The following AGAP3 variants were observed in gnomAD, a reference collection of about 807,000 sequenced individuals.
AGAP3 encodes ArfGAP with GTPase domain, ankyrin repeat and PH domain 3, also known as arf-GAP with GTPase, ANK repeat and PH domain-containing protein 3.
A neutral mutation model predicts 96.9 loss-of-function variants in AGAP3; 24 were observed. The ratio of observed to expected loss-of-function variants is 0.25; its 90% confidence interval spans 0.18 to 0.35. The LOEUF (loss-of-function observed/expected upper bound fraction) is 0.35. Among genes scored for constraint, AGAP3 ranks in the 10% least tolerant of loss-of-function variants. The pLI is 1.00. For synonymous variants in AGAP3, 563 were observed against 536.1 expected, an observed-to-expected ratio of 1.05 and a Z score of -0.69; for missense variants, 876 against 1,254.2, an observed-to-expected ratio of 0.70 and a Z score of 4.55.
At chr7:151,089,516 G>C (rs1265667512) in intron 1 of AGAP3, among the ~76,000 whole-genome samples, 1 of 152,190 alleles carries the variant, frequency 6.6e-6, no homozygotes, top group Non-Finnish European at 1.5e-5. Context: ...AGACTTCGGT[G>C]AAGGGTTTGT....
chr7:151,104,203 C>T (rs1241433910), intron 1 of AGAP3, among the ~76,000 whole-genome samples: 4 of 152,176 alleles, frequency 2.6e-5, no homozygotes, highest in Admixed American at 6.5e-5. Context: ...GCCGTAAACC[C>T]GACAATCTTT....
In AGAP3 at chr7:151,140,190, C is replaced by T; in HGVS notation, c.1804+74C>T. ...CTTGGGGATAGTACCCTAAAAGTAA[C>T]ACCTATTTTTTATTTTTTGTATTCA... is the stretch of plus-strand genomic sequence containing the variant. On this transcript the variant is annotated intron_variant, in intron 13 of 17. Coordinates refer to ENST00000397238, the MANE Select transcript of AGAP3 (RefSeq NM_031946.7). This position sits in a 1 kb window ranked among gnomAD's most constrained non-coding sequence, Gnocchi z 5.4. The T allele has an allele frequency of 7.4e-7, 1 of 1,342,998 alleles. No individual in the cohort carries two copies. The highest frequency in any genetic ancestry group is 9.6e-7 in the Non-Finnish European group (1 of 1,040,162). 83.2% of individuals were successfully genotyped at this position (1,342,998 alleles called of 1,614,324 possible).
intron 8 of AGAP3, chr7:151,123,469 A>G: frequency 8.5e-7 from 1 of 1,170,378 alleles, no homozygotes; most frequent in Non-Finnish European, 1.1e-6. Context: ...CCCGACCAGC[A>G]GCCCCACCGT....
intron 1 of AGAP3, among the ~76,000 whole-genome samples, chr7:151,110,852 G>C (rs1563454784): frequency 6.6e-6 from 1 of 152,192 alleles, no homozygotes; most frequent in African/African-American, 2.4e-5. Context: ...CTTTTGGCTT[G>C]TGCGGCTCCA....
Position 151,134,531 on chromosome 7 carries a change from C to G in AGAP3, c.1458C>G (p.Ser486=), listed in dbSNP as rs773023571. The part of the protein sequence containing the change: ...PGTSPRANGL[S]VERSNTQLGG... ...CCAGCCCCCGTGCCAACGGGCTGTC[C>G]GTGGAGCGGAGTAACACACAGCTGG... The change falls in exon 11 of 18, where the codon TCC becomes TCG. Residue 486 remains serine (S), a synonymous_variant. Coordinates refer to ENST00000397238, the MANE Select transcript of AGAP3 (RefSeq NM_031946.7). 49 of 1,612,740 alleles carry G rather than the reference C, an allele frequency of 3.0e-5. No homozygotes were observed. The East Asian group carries it at 1.1e-3, about 36-fold the overall frequency.
intron 9 of AGAP3, among the ~76,000 whole-genome samples, chr7:151,127,288 T>C (rs1800218186): frequency 6.6e-6 from 1 of 152,184 alleles, no homozygotes; most frequent in Admixed American, 6.5e-5. Context: ...TGTTGTTGGC[T>C]GTCTTCTGGC....
chr7:151,143,730 C>T lies in AGAP3; in HGVS notation c.2530-7C>T, dbSNP rs1486983919. 4.3e-6 allele frequency: 7 copies of T among 1,614,062 alleles called. No homozygotes were observed. The Admixed American group carries it at 8.3e-5, about 19-fold the overall frequency. The stretch of plus-strand genomic sequence containing the variant: ...TGCCAACTGTCAACATGTGTTTTCT[C>T]CTACAGTACGGGGTGGACGTGAGGA... On this transcript the variant is annotated splice_polypyrimidine_tract_variant and splice_region_variant and intron_variant, in intron 17 of 17. Transcript: ENST00000397238. This position sits in a 1 kb window ranked among gnomAD's most constrained non-coding sequence, Gnocchi z 5.9.
At chr7:151,086,465 C>G (rs1008298934), upstream of AGAP3, among the ~76,000 whole-genome samples, 58 of 147,536 alleles carry the variant, frequency 3.9e-4, no homozygotes, top group African/African-American at 1.3e-3. Context: ...CGCGCGCTCC[C>G]GGTCCCGTTG....
intron 10 of AGAP3, among the ~76,000 whole-genome samples, chr7:151,132,083 T>C (rs938216887): frequency 2.6e-5 from 4 of 152,170 alleles, no homozygotes; most frequent in Non-Finnish European, 4.4e-5. Context: ...GAGTGGACAC[T>C]GGGCTGAAAG....
At chr7:151,100,223 T>A (rs1798783761) in intron 1 of AGAP3, among the ~76,000 whole-genome samples, 1 of 152,012 alleles carries the variant, frequency 6.6e-6, no homozygotes, top group Non-Finnish European at 1.5e-5. Context: ...TGCGGTGCTG[T>A]TTTGGAGGGA....
At chr7:151,132,594 T>C (rs1800442685) in intron 10 of AGAP3, among the ~76,000 whole-genome samples, 1 of 152,204 alleles carries the variant, frequency 6.6e-6, no homozygotes, top group African/African-American at 2.4e-5. Context: ...TGAAGGCGAC[T>C]GCAGGCTCGG....
chr7:151,143,685 A>C lies in AGAP3; in HGVS notation c.2530-52A>C. The C allele has an allele frequency of 6.2e-7, 1 of 1,610,682 alleles. No individual in the cohort carries two copies. Among genetic ancestry groups the C allele is most frequent in the Non-Finnish European group, 8.5e-7 (1 of 1,177,474 alleles). ...CCTCTTCTTTCCTCCCCTACAACCA[A>C]TCTCTCTCCTCCCATGTCTTGCCAA... is the stretch of plus-strand genomic sequence containing the variant. On this transcript the variant is annotated intron_variant, in intron 17 of 17. Transcript: ENST00000397238. The surrounding 1 kb of genome is among the most constrained non-coding windows in gnomAD (Gnocchi z 5.9).
chr7:151,128,611 T>C lies in AGAP3; in HGVS notation c.1253T>C (p.Leu418Pro). Residue 418 changes from leucine (L) to proline (P), a missense_variant, in exon 10 of 18, where the codon CTG (leucine) becomes CCG (proline). This residue lies in a region of AGAP3 where 63 missense variants were observed against 114.5 expected (regional missense o/e 0.55). Coordinates refer to ENST00000397238, the MANE Select transcript of AGAP3 (RefSeq NM_031946.7). ...CTGCTAAAGCGGAGCGGCAAGTCCC[T>C]GAACAAGGAGTGGAAGAAGAAGTAT... ...GILLKRSGKSLNKEWKKKYVT... is the reference protein window; with the variant it reads ...GILLKRSGKSPNKEWKKKYVT... The C allele has an allele frequency of 6.2e-7, 1 of 1,613,612 alleles. No individual in the cohort carries two copies. Among genetic ancestry groups the C allele is most frequent in the Non-Finnish European group, 8.5e-7 (1 of 1,179,894 alleles).
chr7:151,129,712 G>A (rs1393813489), intron 10 of AGAP3, among the ~76,000 whole-genome samples: 4 of 137,750 alleles, frequency 2.9e-5, no homozygotes, highest in East Asian at 2.6e-4. Flanking sequence ...TCCCCACCGC[G>A]GGCACAGACC....
At chr7:151,089,472 C>T (rs1360191505) in intron 1 of AGAP3, among the ~76,000 whole-genome samples, 1 of 151,434 alleles carries the variant, frequency 6.6e-6, no homozygotes, top group African/African-American at 2.4e-5. Context: ...GGCGGCAGTT[C>T]CGAGTGTATA....
At chr7:151,121,906 C>T (rs570712096) in intron 8 of AGAP3, among the ~76,000 whole-genome samples, 7 of 152,340 alleles carry the variant, frequency 4.6e-5, no homozygotes, top group South Asian at 4.1e-4. Context: ...CATGCTTGCT[C>T]GAGGGCGAGC....
intron 10 of AGAP3, among the ~76,000 whole-genome samples, chr7:151,129,963 G>A (rs970127347): frequency 3.7e-4 from 57 of 152,330 alleles, no homozygotes; most frequent in Middle Eastern, 6.8e-3. Context: ...GAAGTCCCAG[G>A]TAGGAGTGCT....
At chr7:151,129,069 T>C (rs1050982313) in intron 10 of AGAP3, among the ~76,000 whole-genome samples, 7 of 152,104 alleles carry the variant, frequency 4.6e-5, no homozygotes, top group African/African-American at 1.7e-4. Context: ...GAGAATGGGC[T>C]AGAGCCTCGG....
intron 1 of AGAP3, among the ~76,000 whole-genome samples, chr7:151,110,699 C>T (rs1187627179): frequency 2.6e-5 from 4 of 152,050 alleles, no homozygotes; most frequent in Admixed American, 6.5e-5. Context: ...TGCTTAGGCC[C>T]GGGAGGATGG....
Sources: allele counts gnomAD v4.1 joint callset (sites outside exome capture counted in the v4.1 genomes callset), GRCh38; gene constraint gnomAD v4.1.1; regional missense constraint gnomAD v4.1.1; non-coding constraint Gnocchi (gnomAD v3.1); transcripts MANE v1.5; gene names NCBI Gene and HGNC (gene_info 2026-07-23, HGNC 2026-07-21).